Variants in PTPRT observed in about 807,000 individuals in gnomAD.
PTPRT encodes protein tyrosine phosphatase receptor type T, also known as receptor-type tyrosine-protein phosphatase T.
In PTPRT, 56 loss-of-function variants were observed where a neutral mutation model predicts 176.8. The observed-to-expected ratio is 0.32, with a 90% CI of 0.26 to 0.40. PTPRT has a LOEUF of 0.40. Among genes scored for constraint, PTPRT ranks in the 10% least tolerant of loss-of-function variants. PTPRT has a pLI of 1.00. For synonymous variants in PTPRT, 783 were observed against 739.0 expected, an observed-to-expected ratio of 1.06 and a Z score of -0.96; for missense variants, 1,540 against 1,908.2, an observed-to-expected ratio of 0.81 and a Z score of 3.60.
intron 7 of PTPRT, among the ~76,000 whole-genome samples, chr20:42,509,009 ATAATTTATATT>A (rs1276536470): frequency 8.9e-6 from 1 of 112,056 alleles, no homozygotes; most frequent in Non-Finnish European, 1.7e-5. Context: ...TATAAATTAT[ATAATTTATATT>A]TAATTTATAG....
intron 27 of PTPRT, among the ~76,000 whole-genome samples, chr20:42,092,531 C>A (rs1984729212): frequency 6.6e-6 from 1 of 152,238 alleles, no homozygotes; most frequent in Non-Finnish European, 1.5e-5. Context: ...ACCAAGGCTA[C>A]AATTTGAACT....
At chr20:42,113,821 T>C (rs775480181) in intron 22 of PTPRT, among the ~76,000 whole-genome samples, 6 of 152,244 alleles carry the variant, frequency 3.9e-5, no homozygotes, top group Non-Finnish European at 7.3e-5. Context: ...GAAGTACCGA[T>C]GGTTTCCTTC....
chr20:42,390,530 T>C (rs952919083), intron 9 of PTPRT, among the ~76,000 whole-genome samples: 1 of 152,228 alleles, frequency 6.6e-6, no homozygotes, highest in Non-Finnish European at 1.5e-5. Context: ...AGTACTCTGC[T>C]ACTTCCAAGG....
At chr20:42,820,774 T>C (rs1401137670) in intron 2 of PTPRT, among the ~76,000 whole-genome samples, 1 of 152,124 alleles carries the variant, frequency 6.6e-6, no homozygotes, top group Non-Finnish European at 1.5e-5. Flanking sequence ...CATCAGAGAA[T>C]ACTATAAAAA....
At chr20:42,157,803 G>A (rs577235016) in intron 17 of PTPRT, among the ~76,000 whole-genome samples, 7 of 152,184 alleles carry the variant, frequency 4.6e-5, no homozygotes, top group Non-Finnish European at 8.8e-5. Flanking sequence ...GGCCACAACG[G>A]TGATGCACTT....
intron 7 of PTPRT, among the ~76,000 whole-genome samples, chr20:42,506,475 C>T (rs1158734445): frequency 6.6e-6 from 1 of 152,106 alleles, no homozygotes; most frequent in Non-Finnish European, 1.5e-5. Flanking sequence ...TTCCAGAGTA[C>T]TTTCCTCCTA....
Position 43,094,097 on chromosome 20 carries a change from T to TTTTTC in PTPRT, c.88+95548_88+95549insGAAAA, listed in dbSNP as rs1568781160. ...TTTTTTTCTTTCTTTCTTTCTTTTT[T>TTTTTC]TTTTTTTTTTTGACGGAGTCTTGCC... On this transcript the variant is annotated intron_variant, in intron 1 of 30. Transcript: ENST00000373187. Among the ~76,000 whole-genome samples the TTTTTC allele has an allele frequency of 1.2e-4, 18 of 149,796 alleles. No homozygotes were observed. The East Asian group carries it at 2.7e-3, about 23-fold the overall frequency.
intron 1 of PTPRT, among the ~76,000 whole-genome samples, chr20:43,105,408 T>A (rs1254448657): frequency 2.0e-5 from 3 of 151,384 alleles, no homozygotes; most frequent in Admixed American, 2.0e-4. Context: ...CTGATACTCT[T>A]TTTTTTTTCT....
chr20:42,394,392 T>G (rs1313594279), intron 9 of PTPRT, among the ~76,000 whole-genome samples: 1 of 152,148 alleles, frequency 6.6e-6, no homozygotes, highest in Non-Finnish European at 1.5e-5. Context: ...GAAATTTACA[T>G]TGTGCATCTG....
downstream of PTPRT, among the ~76,000 whole-genome samples, chr20:42,068,891 G>A (rs1982197471): frequency 6.6e-6 from 1 of 152,194 alleles, no homozygotes. Flanking sequence ...GCCCTGCCAT[G>A]CCTCGCCTTA....
intron 17 of PTPRT, among the ~76,000 whole-genome samples, chr20:42,155,650 A>G (rs1989318657): frequency 6.6e-6 from 1 of 152,200 alleles, no homozygotes; most frequent in Non-Finnish European, 1.5e-5. Flanking sequence ...TAGTTCATAC[A>G]TTATTTCAAA....
At chr20:42,964,033 T>G (rs1982154940) in intron 1 of PTPRT, among the ~76,000 whole-genome samples, 1 of 152,048 alleles carries the variant, frequency 6.6e-6, no homozygotes, top group Non-Finnish European at 1.5e-5. Context: ...CTGTGTGCTG[T>G]CAAAAACAGG....
At chr20:42,841,805 A>G (rs780373434) in intron 2 of PTPRT, among the ~76,000 whole-genome samples, 4 of 152,246 alleles carry the variant, frequency 2.6e-5, no homozygotes, top group Non-Finnish European at 5.9e-5. Flanking sequence ...GCTAGTTTGA[A>G]GTAATTAAGT....
intron 6 of PTPRT, among the ~76,000 whole-genome samples, chr20:42,680,052 A>T (rs932897339): frequency 1.3e-5 from 2 of 152,172 alleles, no homozygotes; most frequent in African/African-American, 4.8e-5. Flanking sequence ...AGAATATTTC[A>T]CTTATAGAGG....
At chr20:43,159,464 A>G (rs1600758816) in intron 1 of PTPRT, among the ~76,000 whole-genome samples, 1 of 152,234 alleles carries the variant, frequency 6.6e-6, no homozygotes, top group African/African-American at 2.4e-5. Flanking sequence ...GGCAGGCATC[A>G]TATCTGCTTC....
the PTPRT span, among the ~76,000 whole-genome samples, chr20:42,050,355 C>A: frequency 6.6e-6 from 1 of 152,074 alleles, no homozygotes; most frequent in Non-Finnish European, 1.5e-5. Context: ...CAGAGATACC[C>A]CCATTTTCAG....
intron 9 of PTPRT, among the ~76,000 whole-genome samples, chr20:42,411,141 G>C (rs2059011551): frequency 6.6e-6 from 1 of 152,208 alleles, no homozygotes; most frequent in Admixed American, 6.6e-5. Flanking sequence ...AAAATCAAAA[G>C]CTGATTCTCT....
At chr20:42,577,202 T>C (rs552004361) in intron 7 of PTPRT, among the ~76,000 whole-genome samples, 1 of 152,142 alleles carries the variant, frequency 6.6e-6, no homozygotes, top group African/African-American at 2.4e-5. Context: ...TAAAGAAACA[T>C]CAGGCTCTTT....
At chr20:42,554,513 C>G (rs960268238) in intron 7 of PTPRT, among the ~76,000 whole-genome samples, 1 of 152,098 alleles carries the variant, frequency 6.6e-6, no homozygotes, top group African/African-American at 2.4e-5. Flanking sequence ...CAATTGCCTA[C>G]AAGAGTAACA....
Sources: allele counts gnomAD v4.1 joint callset (sites outside exome capture counted in the v4.1 genomes callset), GRCh38; gene constraint gnomAD v4.1.1; transcripts MANE v1.5; gene names NCBI Gene and HGNC (gene_info 2026-07-23, HGNC 2026-07-21).